The following CNTNAP3B variants were observed in gnomAD, a reference collection of about 807,000 sequenced individuals.
CNTNAP3B encodes the protein contactin-associated protein-like 3B.
In CNTNAP3B, 25 loss-of-function variants were observed where a neutral mutation model predicts 108.9. The ratio of observed to expected loss-of-function variants is 0.23; its 90% CI spans 0.17 to 0.32. CNTNAP3B has a LOEUF of 0.32. Ranked by LOEUF, CNTNAP3B falls within the 10% of genes least tolerant of loss-of-function variation. The pLI, the probability that CNTNAP3B is intolerant of heterozygous loss-of-function variation, is 1.00. For missense variants in CNTNAP3B, 252 were observed against 1,210.4 expected, an observed-to-expected ratio of 0.21 and a Z score of 11.75; for synonymous variants, 103 against 473.4, an observed-to-expected ratio of 0.22 and a Z score of 10.16.
intron 13 of CNTNAP3B, among the ~76,000 whole-genome samples, chr9:41,939,326 T>A (rs1341805711): frequency 1.2e-4 from 18 of 152,412 alleles, no homozygotes; most frequent in African/African-American, 3.8e-4. Flanking sequence ...ACATGCTTGA[T>A]CATGTGGTGC....
At chr9:42,014,792 A>G (rs1826192826) in intron 3 of CNTNAP3B, among the ~76,000 whole-genome samples, 1 of 59,116 alleles carries the variant, frequency 1.7e-5, no homozygotes, top group Non-Finnish European at 3.2e-5. Context: ...CTCCGTCACA[A>G]AAAAAAAAAA....
intron 8 of CNTNAP3B, among the ~76,000 whole-genome samples, chr9:41,991,114 C>T (rs62555059): frequency 0.015 from 1,938 of 128,948 alleles, 220 homozygotes; most frequent in East Asian, 0.054. Flanking sequence ...TCCCAGAAAA[C>T]GAATCAGCCA....
At chr9:41,918,063 A>T (rs1480471626) in intron 18 of CNTNAP3B, among the ~76,000 whole-genome samples, 1 of 152,278 alleles carries the variant, frequency 6.6e-6, no homozygotes, top group African/African-American at 2.4e-5. Context: ...AATTTTTACT[A>T]GTTATGCCTG....
At chr9:41,939,801 G>C (rs1286269181) in intron 13 of CNTNAP3B, among the ~76,000 whole-genome samples, 3 of 152,220 alleles carry the variant, frequency 2.0e-5, no homozygotes, top group African/African-American at 7.2e-5. Flanking sequence ...ACAAAAAGAT[G>C]TAAGTGGGTG....
At chr9:41,971,038 T>G (rs1362261318) in intron 9 of CNTNAP3B, among the ~76,000 whole-genome samples, 2 of 150,346 alleles carry the variant, frequency 1.3e-5, no homozygotes. Flanking sequence ...ATTAAAAATT[T>G]CACTACAATC....
At chr9:42,096,259 G>A (rs28573306) in intron 2 of CNTNAP3B, among the ~76,000 whole-genome samples, 44,475 of 137,824 alleles carry the variant, frequency 0.32, 11,869 homozygotes, top group South Asian at 0.42. Context: ...AGCCACCACC[G>A]GCAAGGCTCT....
At chr9:41,930,101 A>T (rs1319944530) in intron 14 of CNTNAP3B, among the ~76,000 whole-genome samples, 1 of 152,298 alleles carries the variant, frequency 6.6e-6, no homozygotes, top group Non-Finnish European at 1.5e-5. Context: ...TCCTTTTATG[A>T]TTACTGGGTA....
At chr9:41,944,453 T>C (rs1198377047) in intron 13 of CNTNAP3B, among the ~76,000 whole-genome samples, 3 of 152,340 alleles carry the variant, frequency 2.0e-5, no homozygotes, top group Admixed American at 2.0e-4. Flanking sequence ...GCACCATTAA[T>C]GAAGTGGAAT....
intron 2 of CNTNAP3B, among the ~76,000 whole-genome samples, chr9:42,104,260 A>G (rs1482932085): frequency 1.0e-5 from 1 of 95,336 alleles, no homozygotes; most frequent in African/African-American, 3.9e-5. Context: ...TGGGACAACA[A>G]AATGTATACT....
intron 3 of CNTNAP3B, among the ~76,000 whole-genome samples, chr9:42,028,703 T>C (rs1826453483): frequency 1.3e-5 from 2 of 150,182 alleles, no homozygotes; most frequent in African/African-American, 5.0e-5. Flanking sequence ...AAATATATTT[T>C]AGACTACGTT....
intron 9 of CNTNAP3B, among the ~76,000 whole-genome samples, chr9:41,977,911 G>A (rs532371715): frequency 1.4e-4 from 20 of 142,664 alleles, no homozygotes; most frequent in East Asian, 1.0e-3. Flanking sequence ...GATTACAGGC[G>A]TGAGCCACTG....
At chr9:42,056,272 T>C (rs866380509) in intron 3 of CNTNAP3B, among the ~76,000 whole-genome samples, 1,678 of 137,134 alleles carry the variant, frequency 0.012, 80 homozygotes, top group African/African-American at 0.045. Flanking sequence ...CTCACTGCTG[T>C]TTTAATTTGC....
At position 42,086,431 on chromosome 9, in the gene CNTNAP3B, CTTTT is replaced by C. The variant is rs1554755517; in HGVS notation, c.197-9373_197-9370del. ...TACATTTTTTACATTTTTGCATTTA[CTTTT>C]TTTTTTTACATTTTTTTTTACATTT... On this transcript the variant is annotated intron_variant, in intron 2 of 23. Coordinates refer to ENST00000377561, the MANE Select transcript of CNTNAP3B (RefSeq NM_001201380.3). Among the ~76,000 whole-genome samples the C allele has an allele frequency of 3.2e-5, 4 of 125,850 alleles. 1 individual carries two copies. Among genetic ancestry groups the C allele is most frequent in the African/African-American group, 9.3e-5 (3 of 32,108 alleles). 82.6% of individuals were successfully genotyped at this position (125,850 alleles called of 152,430 possible). A position where few individuals can be genotyped will look rare whatever the true frequency, so the allele number is the denominator to read the frequency against.
At position 42,093,074 on chromosome 9, in the gene CNTNAP3B, C is replaced by T. The variant is rs1312424482; in HGVS notation, c.196+11555G>A. On this transcript the variant is annotated intron_variant, in intron 2 of 23. Transcript: ENST00000377561. ...TGTTGATACTACTAATTGCCGGGCG[C>T]GGTGGCTCACACCTGTAATCCCAGC... 7.2e-5 allele frequency among the ~76,000 whole-genome samples: 7 copies of T among 96,714 alleles called. 2 individuals carry two copies. Among genetic ancestry groups the T allele is most frequent in the African/African-American group, 1.9e-4 (5 of 25,848 alleles). 63.4% of individuals were successfully genotyped at this position (96,714 alleles called of 152,430 possible).
Position 41,983,990 on chromosome 9 carries a change from G to T in CNTNAP3B, c.1477+2178C>A, listed in dbSNP as rs1303907479. Among the ~76,000 whole-genome samples, 70 of 98,660 alleles carry T rather than the reference G, an allele frequency of 7.1e-4. 26 individuals are homozygous for T. The highest frequency in any genetic ancestry group is 2.7e-3 in the African/African-American group (68 of 25,086). The allele number at this position is 98,660 out of a possible 152,430, so 64.7% of individuals were successfully genotyped here. On this transcript the variant is annotated intron_variant, in intron 9 of 23. Transcript: ENST00000377561. ...GCGTGAACCTGGCGGTGCAGAGCTTGCAGTGAGCCGAGATCGCGCCACTGC... is the reference window on the plus strand; with the variant it reads ...GCGTGAACCTGGCGGTGCAGAGCTTTCAGTGAGCCGAGATCGCGCCACTGC...
In CNTNAP3B at chr9:41,920,174, G is replaced by A. The variant is rs1471188209; in HGVS notation, c.2891C>T (p.Thr964Ile). Residue 964 changes from threonine (T) to isoleucine (I), a missense_variant, in exon 18 of 24, where the codon ACC (threonine) becomes ATC (isoleucine). Thr to Ile is a moderately conservative substitution (Grantham distance 89, BLOSUM62 -1). Transcript: ENST00000377561. The stretch of plus-strand genomic sequence containing the variant: ...TCCATTGCGACACAAGTGTCCATAG[G>A]TGCTGCAGTGTCCTGCACACCCTGG... ...VEPGCAGHCS[T>I]YGHLCRNGGR... is the part of the protein sequence containing the mutation. 1 of 1,560,922 alleles carries A rather than the reference G, an allele frequency of 6.4e-7. No individual in the cohort carries two copies. Among genetic ancestry groups the A allele is most frequent in the Non-Finnish European group, 8.7e-7 (1 of 1,150,006 alleles).
chr9:42,098,582 C>CA (rs372891017), intron 2 of CNTNAP3B, among the ~76,000 whole-genome samples: 21,668 of 32,272 alleles, frequency 0.67, 8,511 homozygotes, highest in Non-Finnish European at 0.75. Context: ...GACTCTGTCT[C>CA]AAAAAAAAAA....
chr9:41,963,210 G>A (rs1243372118), intron 11 of CNTNAP3B, among the ~76,000 whole-genome samples: 10 of 152,402 alleles, frequency 6.6e-5, no homozygotes, highest in Admixed American at 1.3e-4. Flanking sequence ...AATGTCTCAT[G>A]GAAGAGTTCT....
intron 15 of CNTNAP3B, among the ~76,000 whole-genome samples, chr9:41,928,361 T>C (rs1427019497): frequency 4.6e-5 from 7 of 152,056 alleles, no homozygotes; most frequent in Non-Finnish European, 7.4e-5. Context: ...GTGGGTAGGT[T>C]TGCATCTCAG....
Sources: allele counts gnomAD v4.1 joint callset (sites outside exome capture counted in the v4.1 genomes callset), GRCh38; gene constraint gnomAD v4.1.1; transcripts MANE v1.5; gene names NCBI Gene and HGNC (gene_info 2026-07-23, HGNC 2026-07-21).